HTR7: variants seen among roughly 807,000 people sequenced by gnomAD.
HTR7 encodes 5-hydroxytryptamine receptor 7, also known as 5-HT-7.
In HTR7, 16 loss-of-function variants were observed where a neutral mutation model predicts 34.0. That is an observed-to-expected ratio of 0.47 (90% confidence interval 0.32 to 0.71). HTR7 has a LOEUF of 0.71. HTR7 is among the 30% of genes least tolerant of loss of function. The probability of loss-of-function intolerance (pLI) is 0.04; values close to 1 mark genes in which losing one functional copy is unlikely to be tolerated. For missense variants in HTR7, 504 were observed against 625.5 expected, an observed-to-expected ratio of 0.81 and a Z score of 2.07; for synonymous variants, 265 against 260.2, an observed-to-expected ratio of 1.02 and a Z score of -0.18.
At chr10:90,826,484 C>T (rs933766147) in intron 1 of HTR7, among the ~76,000 whole-genome samples, 1 of 152,016 alleles carries the variant, frequency 6.6e-6, no homozygotes, top group Non-Finnish European at 1.5e-5. Flanking sequence ...ATGTTAACTA[C>T]TCACCTCTTG....
At chr10:90,768,675 T>C (rs1436335311) in intron 1 of HTR7, among the ~76,000 whole-genome samples, 1 of 152,216 alleles carries the variant, frequency 6.6e-6, no homozygotes, top group Non-Finnish European at 1.5e-5. Context: ...ACTGCAAGTA[T>C]TAAATTGTGG....
chr10:90,801,927 T>C (rs1356621976), intron 1 of HTR7, among the ~76,000 whole-genome samples: 3 of 152,242 alleles, frequency 2.0e-5, no homozygotes, highest in African/African-American at 7.2e-5. Context: ...ATGGTGTGAA[T>C]GTTCATATTG....
intron 1 of HTR7, among the ~76,000 whole-genome samples, chr10:90,768,414 T>C (rs1845055819): frequency 6.6e-6 from 1 of 152,218 alleles, no homozygotes; most frequent in Non-Finnish European, 1.5e-5. Context: ...TTGAGAAACC[T>C]TGCTTCAAAT....
At chr10:90,825,643 AAT>A (rs1299498449) in intron 1 of HTR7, among the ~76,000 whole-genome samples, 1 of 152,226 alleles carries the variant, frequency 6.6e-6, no homozygotes, top group Admixed American at 6.5e-5. Flanking sequence ...TTATCAGATA[AAT>A]ATAACAAAGG....
At position 90,753,792 on chromosome 10, in the gene HTR7, T is replaced by C. The variant is rs568803923; in HGVS notation, c.540-4198A>G. On this transcript the variant is annotated intron_variant, in intron 1 of 3. Transcript: ENST00000336152. Reference sequence around the variant, plus strand: ...CAGCCATTAAAAATGATGATGTACGTCTGTATTTACTAACACAGAAACAAC... The same window carrying C: ...CAGCCATTAAAAATGATGATGTACGCCTGTATTTACTAACACAGAAACAAC... Among the ~76,000 whole-genome samples, 38 of 152,152 alleles carry C rather than the reference T, an allele frequency of 2.5e-4. No homozygotes were observed. In the South Asian group the frequency reaches 7.7e-3, roughly 31 times the overall value.
At chr10:90,849,811 A>T (rs942022810) in intron 1 of HTR7, among the ~76,000 whole-genome samples, 1 of 152,226 alleles carries the variant, frequency 6.6e-6, no homozygotes. Flanking sequence ...AAGCTGGATA[A>T]AGCACAAATA....
Position 90,857,372 on chromosome 10 carries a change from G to A in HTR7, c.300C>T (p.Cys100=). 1 of 1,614,082 alleles carries A rather than the reference G, an allele frequency of 6.2e-7. No individual in the cohort carries two copies. Among genetic ancestry groups the A allele is most frequent in the Non-Finnish European group, 8.5e-7 (1 of 1,180,016 alleles). Residue 100 remains cysteine (C), a synonymous_variant, in exon 1 of 4, where the codon TGC becomes TGT. Transcript: ENST00000336152. This position sits in a 1 kb window ranked among gnomAD's most constrained non-coding sequence, Gnocchi z 6.5. The stretch of plus-strand genomic sequence containing the variant: ...CGAAGCACACGGAGATCACCACCAG[G>A]CAGTTGCCCGCGATCGTCAGCAGCG... ...LITLLTIAGN[C]LVVISVCFVK...
At chr10:90,847,637 G>A (rs1029317114) in intron 1 of HTR7, among the ~76,000 whole-genome samples, 2 of 152,174 alleles carry the variant, frequency 1.3e-5, no homozygotes, top group East Asian at 1.9e-4. Flanking sequence ...AGTACCTGGC[G>A]AGGAAGCAAG....
At chr10:90,815,671 C>T in intron 1 of HTR7, among the ~76,000 whole-genome samples, 1 of 152,014 alleles carries the variant, frequency 6.6e-6, no homozygotes, top group East Asian at 1.9e-4. Context: ...CATCATGGCA[C>T]ACGTTTACCT....
At chr10:90,804,219 C>T (rs982548805) in intron 1 of HTR7, among the ~76,000 whole-genome samples, 1 of 152,128 alleles carries the variant, frequency 6.6e-6, no homozygotes, top group African/African-American at 2.4e-5. Context: ...AGCTCCCCTT[C>T]AGCTCAGAGC....
At chr10:90,771,252 A>G (rs1196050540) in intron 1 of HTR7, among the ~76,000 whole-genome samples, 2 of 152,122 alleles carry the variant, frequency 1.3e-5, no homozygotes, top group Non-Finnish European at 2.9e-5. Context: ...TGGTTGTTCT[A>G]TTGCTCAGTA....
At chr10:90,830,079 C>T (rs966641785) in intron 1 of HTR7, among the ~76,000 whole-genome samples, 1 of 152,140 alleles carries the variant, frequency 6.6e-6, no homozygotes, top group African/African-American at 2.4e-5. Flanking sequence ...ATAGAGAAAA[C>T]AATCCTAAAA....
Position 90,743,533 on chromosome 10 carries a change from G to T in HTR7, c.1393+60C>A, listed in dbSNP as rs1589431966. The T allele has an allele frequency of 1.3e-5, 17 of 1,323,496 alleles. No homozygotes were observed. The East Asian group carries it at 3.7e-4, about 29-fold the overall frequency. 82.0% of individuals were successfully genotyped at this position (1,323,496 alleles called of 1,614,324 possible). On this transcript the variant is annotated intron_variant, in intron 3 of 3. Transcript: ENST00000336152. ...GCACGGCTCTGCTCACATAGTTCAT[G>T]TTCTGAATTCCTCCAGACCACAGCA...
chr10:90,851,000 C>A (rs1589482911), intron 1 of HTR7, among the ~76,000 whole-genome samples: 1 of 151,944 alleles, frequency 6.6e-6, no homozygotes, highest in Non-Finnish European at 1.5e-5. Context: ...GATATCAATA[C>A]ACAAATTTTA....
chr10:90,836,472 A>G (rs1031475770), intron 1 of HTR7, among the ~76,000 whole-genome samples: 1 of 152,166 alleles, frequency 6.6e-6, no homozygotes, highest in Non-Finnish European at 1.5e-5. Flanking sequence ...ATATGAGTCA[A>G]GCCATTGACT....
At chr10:90,831,753 T>TCCA (rs1386952238) in intron 1 of HTR7, among the ~76,000 whole-genome samples, 1 of 152,112 alleles carries the variant, frequency 6.6e-6, no homozygotes, top group Non-Finnish European at 1.5e-5. Flanking sequence ...ACAAAAGTTA[T>TCCA]CCACGTCCCC....
chr10:90,824,507 G>C lies in HTR7; in HGVS notation c.539+32626C>G, dbSNP rs529713914. 5.9e-5 allele frequency among the ~76,000 whole-genome samples: 9 copies of C among 152,286 alleles called. No individual in the cohort carries two copies. The South Asian group carries it at 1.0e-3, about 18-fold the overall frequency. On this transcript the variant is annotated intron_variant, in intron 1 of 3. Coordinates refer to ENST00000336152, the MANE Select transcript of HTR7 (RefSeq NM_019859.4). ...GGGAAAAGCAGAAAAAAGAGTAAAG[G>C]GGACTTAGTCTTGCAGCTTAGATAC...
At chr10:90,842,069 T>A (rs1846337725) in intron 1 of HTR7, among the ~76,000 whole-genome samples, 1 of 152,162 alleles carries the variant, frequency 6.6e-6, no homozygotes, top group Non-Finnish European at 1.5e-5. Flanking sequence ...AATGTATATG[T>A]CCCTCAAAAA....
At position 90,857,194 on chromosome 10, in the gene HTR7, C is replaced by T; in HGVS notation, c.478G>A (p.Ala160Thr). ...GCCGTGCAGCACATGACGTCCATGGCGATGAAGACATTACAGAAAAAGTGT... is the reference window on the plus strand; with the variant it reads ...GCCGTGCAGCACATGACGTCCATGGTGATGAAGACATTACAGAAAAAGTGT... ...FGHFFCNVFIAMDVMCCTASI... is the reference protein window; with the variant it reads ...FGHFFCNVFITMDVMCCTASI... The change falls in exon 1 of 4, where the codon GCC becomes ACC. Residue 160 changes from alanine to threonine, a missense_variant. This residue lies in a region of HTR7 where 154 missense variants were observed against 248.8 expected (regional missense o/e 0.62). Transcript: ENST00000336152. This position sits in a 1 kb window ranked among gnomAD's most constrained non-coding sequence, Gnocchi z 6.5. 6.2e-7 allele frequency: 1 copy of T among 1,613,802 alleles called. No individual in the cohort carries two copies. Among genetic ancestry groups the T allele is most frequent in the Non-Finnish European group, 8.5e-7 (1 of 1,179,858 alleles).
Sources: gnomAD v4.1 joint callset for allele counts (sites outside exome capture counted in the v4.1 genomes callset) on GRCh38, gnomAD v4.1.1 for gene constraint, gnomAD v4.1.1 regional missense constraint, Gnocchi (gnomAD v3.1) non-coding constraint, MANE v1.5 for transcripts, NCBI Gene and HGNC (gene_info 2026-07-23, HGNC 2026-07-21) for gene names.